MXI1: variants seen among roughly 807,000 people sequenced by gnomAD.
MXI1 encodes MAX interactor 1, dimerization protein, also known as max-interacting protein 1.
In MXI1, 18 loss-of-function variants were observed where a neutral mutation model predicts 36.9. The ratio of observed to expected loss-of-function variants is 0.49; its 90% confidence interval spans 0.34 to 0.72. The LOEUF is 0.72. MXI1 is among the 30% of genes least tolerant of loss of function. MXI1 has a pLI of 0.01. For synonymous variants in MXI1, 160 were observed against 146.7 expected (o/e 1.09, Z -0.65); for missense variants, 304 against 379.1 (o/e 0.80, Z 1.64).
chr10:110,221,007 A>G (rs1854789913), intron 1 of MXI1, among the ~76,000 whole-genome samples: 1 of 152,240 alleles, frequency 6.6e-6, no homozygotes, highest in Non-Finnish European at 1.5e-5. Flanking sequence ...CTTCGGCACA[A>G]CAAAGATTGT....
Position 110,224,288 on chromosome 10 carries a change from T to C in MXI1, c.275-3901T>C, listed in dbSNP as rs370851218. On this transcript the variant is annotated intron_variant, in intron 1 of 5. Transcript: ENST00000332674. The stretch of plus-strand genomic sequence containing the variant: ...GTTTGCACGGTTCCCAGCTTGTTCC[T>C]AGAGCATTCAAGTACGATTCTCTTG... Among the ~76,000 whole-genome samples the C allele has an allele frequency of 2.6e-5, 4 of 152,240 alleles. No homozygotes were observed. The East Asian group carries it at 5.8e-4, about 22-fold the overall frequency.
intron 3 of MXI1, among the ~76,000 whole-genome samples, chr10:110,249,721 A>T (rs557523890): frequency 6.6e-6 from 1 of 152,308 alleles, no homozygotes; most frequent in South Asian, 2.1e-4. Context: ...AGTAAAGTTA[A>T]ATATGGAATT....
chr10:110,242,005 T>C (rs1283371079), intron 2 of MXI1, among the ~76,000 whole-genome samples: 1 of 151,954 alleles, frequency 6.6e-6, no homozygotes, highest in Non-Finnish European at 1.5e-5. Flanking sequence ...TGACTTTCTT[T>C]CTCTAACACC....
intron 3 of MXI1, among the ~76,000 whole-genome samples, chr10:110,250,640 G>T (rs1856044320): frequency 6.6e-6 from 1 of 151,572 alleles, no homozygotes; most frequent in African/African-American, 2.4e-5. Context: ...GAGACTAGCA[G>T]GGCCAACATG....
At chr10:110,239,579 T>C (rs1479364402) in intron 2 of MXI1, among the ~76,000 whole-genome samples, 1 of 152,202 alleles carries the variant, frequency 6.6e-6, no homozygotes, top group African/African-American at 2.4e-5. Flanking sequence ...TAATTAAATT[T>C]CATTGTGATT....
intron 3 of MXI1, among the ~76,000 whole-genome samples, chr10:110,247,811 G>GGC (rs1855927442): frequency 1.3e-5 from 2 of 152,156 alleles, no homozygotes; most frequent in Non-Finnish European, 2.9e-5. Context: ...TCTAGAACTA[G>GGC]AAATACCATT....
At chr10:110,267,060 G>T (rs888777060) in intron 3 of MXI1, among the ~76,000 whole-genome samples, 2 of 152,108 alleles carry the variant, frequency 1.3e-5, no homozygotes, top group Non-Finnish European at 2.9e-5. Flanking sequence ...AAGTGTAATG[G>T]CTAAATTAAG....
At chr10:110,227,386 G>C in intron 1 of MXI1, 2 of 987,424 alleles carry the variant, frequency 2.0e-6, no homozygotes, top group Non-Finnish European at 1.2e-6. Flanking sequence ...AGGTCGCGCA[G>C]GTGCTGGGGG....
At chr10:110,234,074 A>C (rs1855371076) in intron 2 of MXI1, among the ~76,000 whole-genome samples, 1 of 152,184 alleles carries the variant, frequency 6.6e-6, no homozygotes, top group Non-Finnish European at 1.5e-5. Context: ...AGAGATGGTG[A>C]TTGCTTAAGC....
chr10:110,225,463 GT>G (rs1341528416), intron 1 of MXI1, among the ~76,000 whole-genome samples: 1 of 151,852 alleles, frequency 6.6e-6, no homozygotes, highest in African/African-American at 2.4e-5. Context: ...ATCATCCCTC[GT>G]TTTTGAACAG....
chr10:110,260,003 G>A (rs1464785747), intron 3 of MXI1, among the ~76,000 whole-genome samples: 1 of 151,970 alleles, frequency 6.6e-6, no homozygotes, highest in Non-Finnish European at 1.5e-5. Context: ...TAACTCATAA[G>A]TAAATGACTT....
intron 3 of MXI1, among the ~76,000 whole-genome samples, chr10:110,252,834 A>G (rs764630663): frequency 4.6e-5 from 7 of 152,170 alleles, no homozygotes; most frequent in Admixed American, 3.3e-4. Context: ...TTCAGTTGAC[A>G]TAATAAAAGA....
At chr10:110,258,381 C>G (rs1856390807) in intron 3 of MXI1, among the ~76,000 whole-genome samples, 1 of 152,056 alleles carries the variant, frequency 6.6e-6, no homozygotes, top group African/African-American at 2.4e-5. Flanking sequence ...ACACTTATGT[C>G]TTGGAAAGTA....
At position 110,284,965 on chromosome 10, in the gene MXI1, T is replaced by C. The variant is rs1221115044; in HGVS notation, c.866T>C (p.Val289Ala). ...GACGAGGGTTACTCCAGTGCCAGTG[T>C]CAAACTTTCATTCACTTCATAGAAC... The part of the protein sequence containing the change: ...GSDEGYSSAS[V>A]KLSFTS The change falls in exon 6 of 6, where the codon GTC becomes GCC. Residue 289 changes from valine (V) to alanine (A), a missense_variant. Val to Ala is a moderately conservative substitution (Grantham distance 64, BLOSUM62 0). Transcript: ENST00000332674. 1 of 1,612,584 alleles carries C rather than the reference T, an allele frequency of 6.2e-7. No homozygotes were observed. The highest frequency in any genetic ancestry group is 1.7e-5 in the Admixed American group (1 of 59,680).
Position 110,265,335 on chromosome 10 carries a change from T to A in MXI1, c.438-13845T>A, listed in dbSNP as rs547570049. On this transcript the variant is annotated intron_variant, in intron 3 of 5. Coordinates refer to ENST00000332674, the MANE Select transcript of MXI1 (RefSeq NM_130439.3). ...ACGTTAAAACTTTAGATTTAGGGTT[T>A]GTTTCAAACTTCCTTGATTACTTGA... Among the ~76,000 whole-genome samples, 4 of 152,346 alleles carry A rather than the reference T, an allele frequency of 2.6e-5. No individual in the cohort carries two copies. The East Asian group carries it at 7.7e-4, about 29-fold the overall frequency.
At chr10:110,282,355 T>C (rs1857283572) in intron 5 of MXI1, among the ~76,000 whole-genome samples, 2 of 152,184 alleles carry the variant, frequency 1.3e-5, no homozygotes, top group African/African-American at 2.4e-5. Flanking sequence ...CTAGGAGTTC[T>C]TGTTTTTCTG....
intron 3 of MXI1, among the ~76,000 whole-genome samples, chr10:110,252,778 T>G (rs964652635): frequency 1.3e-5 from 2 of 152,160 alleles, no homozygotes; most frequent in African/African-American, 4.8e-5. Flanking sequence ...GTTTTCACAT[T>G]ATAATGACTT....
intron 3 of MXI1, chr10:110,257,709 G>GA: frequency 5.2e-6 from 1 of 193,672 alleles, no homozygotes. Context: ...AAAATGATCA[G>GA]AAAAATAAGC....
intron 3 of MXI1, 83 bp from the exon 4 acceptor site, chr10:110,279,097 T>G: frequency 9.2e-7 from 1 of 1,082,300 alleles, no homozygotes; most frequent in Non-Finnish European, 1.4e-6. Flanking sequence ...TAAATGCAAA[T>G]TATTGTTTAT....
Sources: allele counts gnomAD v4.1 joint callset (sites outside exome capture counted in the v4.1 genomes callset), GRCh38; gene constraint gnomAD v4.1.1; transcripts MANE v1.5; gene names NCBI Gene and HGNC (gene_info 2026-07-23, HGNC 2026-07-21).